FRRS1L: variants seen among roughly 807,000 people sequenced by gnomAD.
The protein encoded by FRRS1L is ferric chelate reductase 1 like.
FRRS1L carries 22 observed loss-of-function variants against 28.6 expected under a neutral mutation model. The observed-to-expected ratio is 0.77, with a 90% CI of 0.55 to 1.10. FRRS1L has a LOEUF of 1.10. Among genes scored for constraint, FRRS1L ranks in the 50% least tolerant of loss-of-function variants. The pLI, the probability that FRRS1L is intolerant of heterozygous loss-of-function variation, is 0.00. For missense variants in FRRS1L, 380 were observed against 386.9 expected (o/e 0.98, Z 0.15); for synonymous variants, 158 against 151.4 (o/e 1.04, Z -0.32).
chr9:109,165,896 C>G (rs548004512), intron 1 of FRRS1L, among the ~76,000 whole-genome samples: 3 of 152,304 alleles, frequency 2.0e-5, no homozygotes, highest in African/African-American at 7.2e-5. Flanking sequence ...TGTGAAGAAA[C>G]AGAAGGGCAG....
rs544285732 is a variant in FRRS1L, at chr9:109,146,888, A to G, written c.462+163T>C. 5.9e-5 allele frequency among the ~76,000 whole-genome samples: 9 copies of G among 152,278 alleles called. No individual in the cohort carries two copies. The East Asian group carries it at 1.7e-3, about 29-fold the overall frequency. ...AAGACAGCTTGGATTCTGATAGCCA[A>G]CCCTTTCATTTAAGCTAGCCTGAAT... On this transcript the variant is annotated intron_variant, in intron 3 of 4. Transcript: ENST00000561981.
chr9:109,166,761 T>G (rs1421915255), intron 1 of FRRS1L, 140 bp downstream of exon 1: 3 of 445,244 alleles, frequency 6.7e-6, no homozygotes, highest in Non-Finnish European at 1.1e-5. Context: ...CATCCTGGCC[T>G]CGCCTCTGCA....
At chr9:109,144,396 A>T (rs1309208952) in intron 3 of FRRS1L, among the ~76,000 whole-genome samples, 1 of 152,042 alleles carries the variant, frequency 6.6e-6, no homozygotes, top group Non-Finnish European at 1.5e-5. Flanking sequence ...TTTTTGAGAC[A>T]GTCTCGCTCT....
intron 1 of FRRS1L, among the ~76,000 whole-genome samples, chr9:109,164,792 G>C (rs1831526210): frequency 6.6e-6 from 1 of 152,210 alleles, no homozygotes; most frequent in Non-Finnish European, 1.5e-5. Flanking sequence ...GCGCGAAGCA[G>C]ACACACTAGG....
rs72761815 is a variant in FRRS1L, at chr9:109,153,213, G to C, written c.239-3493C>G. The stretch of plus-strand genomic sequence containing the variant: ...TTATGCTGAGCAACGGGATGACTAA[G>C]AATAGAGGCTGGTCACTGGAAAAAC... On this transcript the variant is annotated intron_variant, in intron 1 of 4. Coordinates refer to ENST00000561981, the MANE Select transcript of FRRS1L (RefSeq NM_014334.4). 1.3e-3 allele frequency among the ~76,000 whole-genome samples: 197 copies of C among 152,260 alleles called. No homozygotes were observed. The Middle Eastern group carries it at 0.017, about 13-fold the overall frequency.
intron 3 of FRRS1L, 31 bp from the exon 4 acceptor site, chr9:109,141,620 A>T: frequency 6.3e-7 from 1 of 1,595,176 alleles, no homozygotes; most frequent in Non-Finnish European, 8.6e-7. Flanking sequence ...GAAAAAAAAA[A>T]GTCAAAGGTT....
In FRRS1L at chr9:109,137,346, T is replaced by G; in HGVS notation, c.*109A>C. The stretch of plus-strand genomic sequence containing the variant: ...TCCAAAAAGCTGAAATTATATGAGG[T>G]TTTTTTTCTTAAATAATTGAAGCTA... On this transcript the variant is annotated 3_prime_UTR_variant, in exon 5 of 5. Coordinates refer to ENST00000561981, the MANE Select transcript of FRRS1L (RefSeq NM_014334.4). The G allele has an allele frequency of 1.5e-6, 1 of 654,486 alleles. No homozygotes were observed. The highest frequency in any genetic ancestry group is 2.3e-6 in the Non-Finnish European group (1 of 432,344). The allele number at this position is 654,486 out of a possible 1,614,324, so 40.5% of individuals were successfully genotyped here.
chr9:109,145,024 C>G (rs1184236380), intron 3 of FRRS1L, among the ~76,000 whole-genome samples: 1 of 152,310 alleles, frequency 6.6e-6, no homozygotes, highest in Middle Eastern at 3.4e-3. Flanking sequence ...CCGCCCTCCT[C>G]TCTCCCCTGT....
intron 2 of FRRS1L, 64 bp from the exon 3 acceptor site, chr9:109,147,253 C>T: frequency 7.4e-7 from 1 of 1,350,036 alleles, no homozygotes. Flanking sequence ...AAGAGAGCAT[C>T]TACCATGTAT....
At chr9:109,140,005 C>T (rs978469809) in intron 4 of FRRS1L, 8 of 152,176 alleles carry the variant, frequency 5.3e-5, no homozygotes, top group African/African-American at 1.9e-4. Context: ...GCTAATCAAC[C>T]AGAAGGAATG....
Position 109,136,196 on chromosome 9 carries a change from G to A in FRRS1L, c.*1259C>T, listed in dbSNP as rs889726028. 6.7e-6 allele frequency: 1 copy of A among 149,736 alleles called. No homozygotes were observed. The highest frequency in any genetic ancestry group is 2.5e-5 in the African/African-American group (1 of 40,524). The allele number at this position is 149,736 out of a possible 1,614,324, so 9.3% of individuals were successfully genotyped here. ...GCAGTGAAGCTGAGATCACACCATT[G>A]TACTCCAGCCTGGGCGACAAGAGGG... On this transcript the variant is annotated 3_prime_UTR_variant, in exon 5 of 5. Transcript: ENST00000561981.
rs1246479778 is a variant in FRRS1L at position 109,130,683 on chromosome 9, G to T, written c.*6772C>A. The T allele has an allele frequency of 6.6e-6, 1 of 152,160 alleles. No individual in the cohort carries two copies. Among genetic ancestry groups the T allele is most frequent in the Non-Finnish European group, 1.5e-5 (1 of 68,036 alleles). 9.4% of individuals were successfully genotyped at this position (152,160 alleles called of 1,614,324 possible). On this transcript the variant is annotated 3_prime_UTR_variant, in exon 5 of 5. Coordinates refer to ENST00000561981, the MANE Select transcript of FRRS1L (RefSeq NM_014334.4). ...TTTACAAAATAGTATTTTGTAGACA[G>T]TCTCAAAAAAGTATATTAATACTCC...
intron 1 of FRRS1L, among the ~76,000 whole-genome samples, chr9:109,155,048 G>C (rs1473361610): frequency 6.6e-6 from 1 of 152,154 alleles, no homozygotes; most frequent in Non-Finnish European, 1.5e-5. Context: ...TAAGGTTCAG[G>C]TTCCAGGCAC....
chr9:109,140,506 A>G (rs1831165192), intron 4 of FRRS1L: 1 of 152,192 alleles, frequency 6.6e-6, no homozygotes, highest in Non-Finnish European at 1.5e-5. Flanking sequence ...GGGAAGACCT[A>G]CAGAAAACTG....
chr9:109,148,043 A>G (rs974286780), intron 2 of FRRS1L: 37 of 150,328 alleles, frequency 2.5e-4, no homozygotes, highest in African/African-American at 9.1e-4. Flanking sequence ...ATCTTGGCTC[A>G]CTGCAACCTC....
intron 1 of FRRS1L, among the ~76,000 whole-genome samples, 163 bp downstream of exon 1, chr9:109,166,738 G>T (rs1260749727): frequency 1.3e-5 from 2 of 151,840 alleles, no homozygotes; most frequent in Non-Finnish European, 1.5e-5. Context: ...GGAGGCCTGG[G>T]CACTGCGCTC....
intron 1 of FRRS1L, among the ~76,000 whole-genome samples, chr9:109,153,850 T>C (rs1831368477): frequency 6.6e-6 from 1 of 152,188 alleles, no homozygotes. Flanking sequence ...TGATATAAAA[T>C]AAGTTTGGAC....
intron 3 of FRRS1L, 77 bp downstream of exon 3, chr9:109,146,974 T>C: frequency 7.5e-7 from 1 of 1,333,490 alleles, no homozygotes; most frequent in South Asian, 1.2e-5. Context: ...CTTTGATCAA[T>C]TAACTTGCTT....
At chr9:109,139,298 TAG>T (rs1239457313) in intron 4 of FRRS1L, 5 of 152,184 alleles carry the variant, frequency 3.3e-5, no homozygotes, top group African/African-American at 1.2e-4. Context: ...CTGTTTTGCT[TAG>T]AGTTAGTGAG....
Sources: allele counts gnomAD v4.1 joint callset (sites outside exome capture counted in the v4.1 genomes callset), GRCh38; gene constraint gnomAD v4.1.1; transcripts MANE v1.5; gene names NCBI Gene and HGNC (gene_info 2026-07-23, HGNC 2026-07-21).